Variants in DAGLB observed in about 807,000 individuals in gnomAD.
DAGLB encodes the protein diacylglycerol lipase beta.
Under a neutral mutation model 72.1 loss-of-function variants are expected in DAGLB, and 66 were observed. The observed-to-expected ratio is 0.92, with a 90% CI of 0.75 to 1.12. DAGLB has a LOEUF of 1.12. Among genes scored for constraint, DAGLB ranks in the 50% most tolerant of loss-of-function variants. DAGLB has a pLI of 0.00. For missense variants in DAGLB, 1,065 were observed against 884.9 expected, an observed-to-expected ratio of 1.20 and a Z score of -2.58; for synonymous variants, 414 against 359.5, an observed-to-expected ratio of 1.15 and a Z score of -1.71.
chr7:6,413,061 T>C (rs752006642), intron 11 of DAGLB, 27 bp from the exon 12 acceptor site: 1 of 1,607,806 alleles, frequency 6.2e-7, no homozygotes, highest in Non-Finnish European at 8.5e-7. Context: ...AGAGAGGATG[T>C]TAGCTTTACG....
At chr7:6,432,782 G>C (rs1784529842) in intron 5 of DAGLB, 55 bp downstream of exon 5, 1 of 1,574,082 alleles carries the variant, frequency 6.4e-7, no homozygotes, top group Non-Finnish European at 8.6e-7. Flanking sequence ...TGATTCTGAA[G>C]ACCCACCAAA....
In DAGLB at chr7:6,421,818, G is replaced by A. The variant is rs375235054; in HGVS notation, c.1141-14C>T. ...CGTAAGGACATCCTGTAAAAAGGGC[G>A]TTGCAGAAGCGGCCGTCAGCCTGTG... On this transcript the variant is annotated splice_polypyrimidine_tract_variant and intron_variant, in intron 8 of 14. Transcript: ENST00000297056. 1.1e-4 allele frequency: 177 copies of A among 1,611,786 alleles called. No homozygotes were observed. Among genetic ancestry groups the A allele is most frequent in the African/African-American group, 5.1e-4 (38 of 75,028 alleles).
At chr7:6,413,336 A>C (rs1783797147) in intron 11 of DAGLB, among the ~76,000 whole-genome samples, 1 of 152,214 alleles carries the variant, frequency 6.6e-6, no homozygotes, top group Non-Finnish European at 1.5e-5. Flanking sequence ...GACTCCATCA[A>C]AGATGCACTG....
intron 2 of DAGLB, among the ~76,000 whole-genome samples, chr7:6,438,367 CA>C (rs1231632799): frequency 6.6e-6 from 1 of 151,510 alleles, no homozygotes; most frequent in African/African-American, 2.4e-5. Context: ...TTTTAAAATG[CA>C]AAAATAAATA....
chr7:6,434,039 G>A (rs965647626), intron 4 of DAGLB, among the ~76,000 whole-genome samples: 9 of 151,996 alleles, frequency 5.9e-5, no homozygotes, highest in South Asian at 2.1e-4. Flanking sequence ...TTCCCTCTAC[G>A]GAGGCTGCTG....
At chr7:6,411,929 TTTC>T (rs1783742528) in intron 13 of DAGLB, among the ~76,000 whole-genome samples, 1 of 151,692 alleles carries the variant, frequency 6.6e-6, no homozygotes, top group Non-Finnish European at 1.5e-5. Context: ...CAGACAGAAA[TTTC>T]TTCTTTTTGG....
chr7:6,409,459 A>G lies in DAGLB; in HGVS notation c.*378T>C, dbSNP rs752148097. ...ACGCCTGTAAACTGAGTTGGATGAA[A>G]AGAGCTGCCTTGGGGGTGGGAGGCT... On this transcript the variant is annotated 3_prime_UTR_variant, in exon 15 of 15. Coordinates refer to ENST00000297056, the MANE Select transcript of DAGLB (RefSeq NM_139179.4). The G allele has an allele frequency of 1.4e-5, 3 of 212,938 alleles. No individual in the cohort carries two copies. The highest frequency in any genetic ancestry group is 5.4e-5 in the Admixed American group (1 of 18,638). The allele number at this position is 212,938 out of a possible 1,614,324, so 13.2% of individuals were successfully genotyped here.
rs772066099 is a variant in DAGLB, at chr7:6,436,394, A to G, written c.387T>C (p.Val129=). Residue 129 remains valine, a synonymous_variant, in exon 3 of 15, where the codon GTT becomes GTC. Transcript: ENST00000297056. ...CGACGGTTGCGATGATGCCGTTTAC[A>G]ACTGTCCTGTCGCACTGAACACCAT... ...VADGVQCDRT[V]VNGIIATVVV... The G allele has an allele frequency of 1.9e-6, 3 of 1,613,368 alleles. No individual in the cohort carries two copies. The East Asian group carries it at 6.7e-5, about 36-fold the overall frequency.
At chr7:6,430,403 A>T (rs1784449306) in intron 6 of DAGLB, 77 bp downstream of exon 6, 2 of 1,397,140 alleles carry the variant, frequency 1.4e-6, no homozygotes, top group South Asian at 3.9e-5. Flanking sequence ...TGTTCTTTCA[A>T]ATTTTTGAAA....
intron 2 of DAGLB, among the ~76,000 whole-genome samples, chr7:6,443,757 G>A (rs925162296): frequency 2.6e-5 from 4 of 152,078 alleles, no homozygotes; most frequent in African/African-American, 7.2e-5. Flanking sequence ...AATTCAAGCA[G>A]TGACAAAGGA....
chr7:6,419,451 A>C (rs1396264351), intron 9 of DAGLB, among the ~76,000 whole-genome samples: 2 of 152,072 alleles, frequency 1.3e-5, no homozygotes, highest in Non-Finnish European at 2.9e-5. Flanking sequence ...GCTGCTGGCG[A>C]GCCTCCCCGG....
intron 1 of DAGLB, among the ~76,000 whole-genome samples, chr7:6,446,791 T>A (rs745775952): frequency 6.6e-6 from 1 of 152,032 alleles, no homozygotes; most frequent in Non-Finnish European, 1.5e-5. Context: ...GGAGGATCAC[T>A]TGAGCACAAG....
intron 2 of DAGLB, among the ~76,000 whole-genome samples, chr7:6,437,988 T>C (rs1411088507): frequency 6.6e-6 from 1 of 152,216 alleles, no homozygotes; most frequent in Non-Finnish European, 1.5e-5. Context: ...TTAGAATGAC[T>C]GAAATAGTTA....
rs112772921 is a variant in DAGLB at position 6,430,575 on chromosome 7, G to A, written c.834C>T (p.Cys278=). The change falls in exon 6 of 15, where the codon TGC becomes TGT. Residue 278 remains cysteine (C), a synonymous_variant. Transcript: ENST00000297056. ...CTGCTGCAAACTGCATGTAATGATG[G>A]CAGTTTTCTAATTCTGCATCCAGAT... ...EADLDAELEN[C]HHYMQFAAAA... 8.4e-5 allele frequency: 135 copies of A among 1,603,404 alleles called. 1 individual carries two copies. In the African/African-American group the frequency reaches 1.6e-3, roughly 18 times the overall value.
At chr7:6,410,966 G>C (rs1016004446) in intron 13 of DAGLB, among the ~76,000 whole-genome samples, 3 of 143,584 alleles carry the variant, frequency 2.1e-5, no homozygotes, top group Admixed American at 7.3e-5. Context: ...CTCTCTGCAA[G>C]CTCCGCCTCC....
chr7:6,424,318 T>C (rs759413956), intron 8 of DAGLB, among the ~76,000 whole-genome samples: 1 of 152,156 alleles, frequency 6.6e-6, no homozygotes, highest in African/African-American at 2.4e-5. Flanking sequence ...CACGAGGGCC[T>C]GTGAGGATCC....
intron 4 of DAGLB, among the ~76,000 whole-genome samples, chr7:6,433,955 T>C (rs1242459613): frequency 6.6e-6 from 1 of 152,192 alleles, no homozygotes; most frequent in Non-Finnish European, 1.5e-5. Context: ...CCAGCTTCTC[T>C]TCTTCCCTCT....
At chr7:6,434,339 G>C (rs1271690733) in intron 4 of DAGLB, among the ~76,000 whole-genome samples, 2 of 152,118 alleles carry the variant, frequency 1.3e-5, no homozygotes, top group Non-Finnish European at 2.9e-5. Flanking sequence ...TCCAAAAGTA[G>C]CATCGTCGAT....
chr7:6,434,643 C>A lies in DAGLB; in HGVS notation c.678+119G>T, dbSNP rs575057532. 2.6e-5 allele frequency: 39 copies of A among 1,515,862 alleles called. No individual in the cohort carries two copies. In the South Asian group the frequency reaches 4.5e-4, roughly 17 times the overall value. The allele number at this position is 1,515,862 out of a possible 1,614,324, so 93.9% of individuals were successfully genotyped here. On this transcript the variant is annotated intron_variant, in intron 4 of 14. Transcript: ENST00000297056. ...CAGACAGAGGGTCTCCGGCCACCCC[C>A]CACACACCCAAAGACACCAGGTTCT...
Sources: allele counts gnomAD v4.1 joint callset (sites outside exome capture counted in the v4.1 genomes callset), GRCh38; gene constraint gnomAD v4.1.1; transcripts MANE v1.5; gene names NCBI Gene and HGNC (gene_info 2026-07-23, HGNC 2026-07-21).